NDUFAF4: variants seen among roughly 807,000 people sequenced by gnomAD.
NDUFAF4 encodes NADH:ubiquinone oxidoreductase complex assembly factor 4.
In NDUFAF4, 10 loss-of-function variants were observed where a neutral mutation model predicts 15.6. That is an observed-to-expected ratio of 0.64 (90% CI 0.40 to 1.09). The LOEUF (loss-of-function observed/expected upper bound fraction) is 1.09. Ranked by LOEUF, NDUFAF4 falls within the 50% of genes least tolerant of loss-of-function variation. The probability of loss-of-function intolerance (pLI) is 0.01; values close to 1 mark genes in which losing one functional copy is unlikely to be tolerated. For synonymous variants in NDUFAF4, 77 were observed against 73.3 expected (o/e 1.05, Z -0.26); for missense variants, 203 against 207.3 (o/e 0.98, Z 0.13).
At position 96,890,091 on chromosome 6, in the gene NDUFAF4, G is replaced by A. The variant is rs547822205; in HGVS notation, c.*1013C>T. ...CCCCCAAGTAGTAATATATTAGGCA[G>A]AGCTAAACTCACACACTCACTCAAG... On this transcript the variant is annotated 3_prime_UTR_variant, in exon 3 of 3. Transcript: ENST00000316149. 1 of 152,120 alleles carries A rather than the reference G, an allele frequency of 6.6e-6. No individual in the cohort carries two copies. The highest frequency in any genetic ancestry group is 2.1e-4 in the South Asian group (1 of 4,818). 9.4% of individuals were successfully genotyped at this position (152,120 alleles called of 1,614,324 possible). A position where few individuals can be genotyped will look rare whatever the true frequency, so the allele number is the denominator to read the frequency against.
intron 2 of NDUFAF4, among the ~76,000 whole-genome samples, chr6:96,892,279 A>G (rs1775326042): frequency 6.6e-6 from 1 of 152,070 alleles, no homozygotes; most frequent in Non-Finnish European, 1.5e-5. Context: ...AAATAAAACA[A>G]CCTATGCACA....
intron 2 of NDUFAF4, among the ~76,000 whole-genome samples, chr6:96,893,618 C>T (rs1775339541): frequency 6.6e-6 from 1 of 151,870 alleles, no homozygotes; most frequent in African/African-American, 2.4e-5. Context: ...ATCTTCCTTC[C>T]ACTCCAAGCA....
chr6:96,896,927 T>C (rs1775384275), intron 1 of NDUFAF4, 80 bp from the exon 2 acceptor site: 7 of 1,024,058 alleles, frequency 6.8e-6, no homozygotes, highest in Middle Eastern at 4.6e-4. Flanking sequence ...ACAAACGCTT[T>C]CTTTTATTTT....
At position 96,891,069 on chromosome 6, in the gene NDUFAF4, TGAG is replaced by T; in HGVS notation, c.*32_*34del. The stretch of plus-strand genomic sequence containing the variant: ...ATGAGAAAATATACAGCAGGAGGGA[TGAG>T]GAGTACACATAGGAAATTTCTGTGA... On this transcript the variant is annotated 3_prime_UTR_variant, in exon 3 of 3. Coordinates refer to ENST00000316149, the MANE Select transcript of NDUFAF4 (RefSeq NM_014165.4). The T allele has an allele frequency of 1.3e-6, 2 of 1,576,444 alleles. No individual in the cohort carries two copies. The highest frequency in any genetic ancestry group is 1.7e-6 in the Non-Finnish European group (2 of 1,149,642).
rs753857427 is a variant in NDUFAF4 at position 96,891,256 on chromosome 6, G to A, written c.376C>T (p.His126Tyr). The change falls in exon 3 of 3, where the codon CAT (histidine) becomes TAT (tyrosine). Residue 126 changes from histidine to tyrosine, a missense_variant. Transcript: ENST00000316149. ...IVEALTLLNN[H>Y]KLFPETWTAE... ...GTCCAGGTTTCTGGGAAAAGCTTAT[G>A]ATTATTGAGAAGTGTCAATGCTTCT... 4 of 1,613,794 alleles carry A rather than the reference G, an allele frequency of 2.5e-6. No homozygotes were observed. The South Asian group carries it at 4.4e-5, about 18-fold the overall frequency.
chr6:96,891,383 A>G lies in NDUFAF4; in HGVS notation c.249T>C (p.Ala83=). 6.3e-7 allele frequency: 1 copy of G among 1,587,724 alleles called. No homozygotes were observed. The highest frequency in any genetic ancestry group is 8.5e-7 in the Non-Finnish European group (1 of 1,173,020). ...KDPVSSLQVK[A]AETCQEPKEF... The stretch of plus-strand genomic sequence containing the variant: ...CCTTCGGCTCTTGACATGTTTCAGC[A>G]GCTTTTACCTAGTATCAAAAAAAAA... Residue 83 remains alanine, a synonymous_variant, in exon 3 of 3, where the codon GCT becomes GCC. Coordinates refer to ENST00000316149, the MANE Select transcript of NDUFAF4 (RefSeq NM_014165.4).
Position 96,891,333 on chromosome 6 carries a change from T to C in NDUFAF4, c.299A>G (p.His100Arg), listed in dbSNP as rs766671649. The C allele has an allele frequency of 3.1e-6, 5 of 1,613,682 alleles. No homozygotes were observed. Among genetic ancestry groups the C allele is most frequent in the Non-Finnish European group, 4.2e-6 (5 of 1,179,834 alleles). The change falls in exon 3 of 3, where the codon CAT (histidine) becomes CGT (arginine). Residue 100 changes from histidine to arginine, a missense_variant. His to Arg is a conservative substitution (Grantham distance 29, BLOSUM62 0). Coordinates refer to ENST00000316149, the MANE Select transcript of NDUFAF4 (RefSeq NM_014165.4). The part of the protein sequence containing the change: ...PKEFRLPKDH[H>R]FDMINIKSIP... The stretch of plus-strand genomic sequence containing the variant: ...GCTCTTAATATTTATCATATCAAAA[T>C]GATGGTCTTTCGGCAATCTGAATTC...
In NDUFAF4 at chr6:96,891,180, G is replaced by A. The variant is rs201955429; in HGVS notation, c.452C>T (p.Ser151Phe). The A allele has an allele frequency of 1.9e-5, 31 of 1,612,894 alleles. No homozygotes were observed. Among genetic ancestry groups the A allele is most frequent in the Non-Finnish European group, 5.9e-6 (7 of 1,179,280 alleles). ...AAAAGTAACAAAATATTTAAGAAGA[G>A]AATTCACATCTTTCTGTTCTAACTG... ...EYQLEQKDVN[S>F]LLKYFVTFEV... The change falls in exon 3 of 3, where the codon TCT becomes TTT. Residue 151 changes from serine (S) to phenylalanine (F), a missense_variant. Transcript: ENST00000316149.
chr6:96,891,115 G>C lies in NDUFAF4; in HGVS notation c.517C>G (p.Arg173Gly). The change falls in exon 3 of 3, where the codon CGA becomes GGA. Residue 173 changes from arginine to glycine, a missense_variant. Arg to Gly is a moderately radical substitution (Grantham distance 125). Transcript: ENST00000316149. ...IFPPEDKKAI[R>G]SK ...TTCTGTGATTTTCTTCATTTTGATC[G>C]TATTGCTTTCTTGTCTTCAGGAGGG... The C allele has an allele frequency of 6.2e-7, 1 of 1,612,414 alleles. No homozygotes were observed. The highest frequency in any genetic ancestry group is 8.5e-7 in the Non-Finnish European group (1 of 1,179,292).
chr6:96,896,001 A>G (rs2039210), intron 2 of NDUFAF4: 137,401 of 152,292 alleles, frequency 0.9, 62,111 homozygotes, highest in East Asian at 1. Flanking sequence ...TCAGGCCTGA[A>G]CATAACTATC....
intron 2 of NDUFAF4, among the ~76,000 whole-genome samples, chr6:96,894,374 G>A (rs1490777646): frequency 6.6e-6 from 1 of 152,132 alleles, no homozygotes; most frequent in Non-Finnish European, 1.5e-5. Flanking sequence ...CAAAGCACAA[G>A]GGTAGTGATG....
At chr6:96,896,289 T>C (rs1302795690) in intron 2 of NDUFAF4, 2 of 181,590 alleles carry the variant, frequency 1.1e-5, no homozygotes, top group Admixed American at 5.4e-5. Context: ...ATTTTAAATA[T>C]CCTATCTGAA....
rs201754378 is a variant in NDUFAF4, at chr6:96,891,141, A to T, written c.491T>A (p.Phe164Tyr). The T allele has an allele frequency of 6.3e-4, 1,011 of 1,613,144 alleles. 11 individuals carry two copies. Among genetic ancestry groups the T allele is most frequent in the Non-Finnish European group, 3.6e-5 (43 of 1,179,562 alleles). ...TATTGCTTTCTTGTCTTCAGGAGGG[A>T]AGATTTCGACTTCAAAAGTAACAAA... Reference protein sequence around the residue: ...KYFVTFEVEIFPPEDKKAIRS... With the variant: ...KYFVTFEVEIYPPEDKKAIRS... The change falls in exon 3 of 3, where the codon TTC (phenylalanine) becomes TAC (tyrosine). Residue 164 changes from phenylalanine to tyrosine, a missense_variant. Phe to Tyr is a conservative substitution (Grantham distance 22). Coordinates refer to ENST00000316149, the MANE Select transcript of NDUFAF4 (RefSeq NM_014165.4).
intron 2 of NDUFAF4, 103 bp from the exon 3 acceptor site, chr6:96,891,494 G>T: frequency 8.1e-7 from 1 of 1,236,834 alleles, no homozygotes; most frequent in Non-Finnish European, 1.1e-6. Flanking sequence ...CAACTAATAT[G>T]GTTTGGATCT....
In NDUFAF4 at chr6:96,891,038, C is replaced by CA. The variant is rs1414206883; in HGVS notation, c.*65dup. The CA allele has an allele frequency of 8.2e-6, 12 of 1,455,190 alleles. No individual in the cohort carries two copies. The highest frequency in any genetic ancestry group is 1.8e-5 in the Admixed American group (1 of 56,188). The allele number at this position is 1,455,190 out of a possible 1,614,324, so 90.1% of individuals were successfully genotyped here. On this transcript the variant is annotated 3_prime_UTR_variant, in exon 3 of 3. Transcript: ENST00000316149. ...TTGGTAATTAACATAATTTATTACG[C>CA]AAAAAATGAGAAAATATACAGCAGG...
At chr6:96,897,641 C>T in intron 1 of NDUFAF4, 25 bp downstream of exon 1, 1 of 1,612,776 alleles carries the variant, frequency 6.2e-7, no homozygotes, top group Non-Finnish European at 8.5e-7. Flanking sequence ...GCCCCCGGGC[C>T]CCGAAACGCC....
chr6:96,895,795 C>T (rs1211418307), intron 2 of NDUFAF4, among the ~76,000 whole-genome samples: 1 of 152,072 alleles, frequency 6.6e-6, no homozygotes, highest in Non-Finnish European at 1.5e-5. Context: ...TTTATTTCTC[C>T]TCTGTAGTGA....
rs970935960 is a variant in NDUFAF4 at position 96,890,298 on chromosome 6, T to A, written c.*806A>T. 3.9e-5 allele frequency: 6 copies of A among 152,154 alleles called. No homozygotes were observed. Among genetic ancestry groups the A allele is most frequent in the African/African-American group, 7.2e-5 (3 of 41,444 alleles). 9.4% of individuals were successfully genotyped at this position (152,154 alleles called of 1,614,324 possible). ...CCAAATTTCATCTACCATGGTTTTT[T>A]AATTATTCTTTAAATTTTTCTCTAT... On this transcript the variant is annotated 3_prime_UTR_variant, in exon 3 of 3. Coordinates refer to ENST00000316149, the MANE Select transcript of NDUFAF4 (RefSeq NM_014165.4).
rs1446683639 is a variant in NDUFAF4, at chr6:96,889,564, GT to G, written c.*1539del. The G allele has an allele frequency of 6.6e-6, 1 of 152,456 alleles. No individual in the cohort carries two copies. The highest frequency in any genetic ancestry group is 2.4e-5 in the African/African-American group (1 of 41,434). The allele number at this position is 152,456 out of a possible 1,614,324, so 9.4% of individuals were successfully genotyped here. ...TATTGAACTAAAAATAAACTAGGTA[GT>G]TTGTTCACATAACAAATCTACATTC... On this transcript the variant is annotated 3_prime_UTR_variant, in exon 3 of 3. Transcript: ENST00000316149.
Sources: gnomAD v4.1 joint callset for allele counts (sites outside exome capture counted in the v4.1 genomes callset) on GRCh38, gnomAD v4.1.1 for gene constraint, MANE v1.5 for transcripts, NCBI Gene and HGNC (gene_info 2026-07-23, HGNC 2026-07-21) for gene names.